MRC1: variants seen among roughly 807,000 people sequenced by gnomAD.
The protein encoded by MRC1 is macrophage mannose receptor 1.
A neutral mutation model predicts 102.9 loss-of-function variants in MRC1; 62 were observed. The observed-to-expected ratio is 0.60, with a 90% CI of 0.49 to 0.74. MRC1 has a LOEUF of 0.74. Among genes scored for constraint, MRC1 ranks in the 30% least tolerant of loss-of-function variants. The pLI, the probability that MRC1 is intolerant of heterozygous loss-of-function variation, is 0.00. For missense variants in MRC1, 1,237 were observed against 862.8 expected, an observed-to-expected ratio of 1.43 and a Z score of -5.43; for synonymous variants, 457 against 298.4, an observed-to-expected ratio of 1.53 and a Z score of -5.48.
rs1833664784 is a variant in MRC1, at chr10:17,891,027, G to A, written c.3148-3183G>A. ...TCCTTATGAGAATTTAATGTCTGATGATCTGTCCCTGTCTCCCATTACCCC... is the reference window on the plus strand; with the variant it reads ...TCCTTATGAGAATTTAATGTCTGATAATCTGTCCCTGTCTCCCATTACCCC... On this transcript the variant is annotated intron_variant, in intron 22 of 29. Coordinates refer to ENST00000569591, the MANE Select transcript of MRC1 (RefSeq NM_002438.4). 2.0e-5 allele frequency among the ~76,000 whole-genome samples: 3 copies of A among 151,774 alleles called. No homozygotes were observed. The South Asian group carries it at 6.3e-4, about 32-fold the overall frequency.
In MRC1 at chr10:17,849,700, C is replaced by T. The variant is rs145296111; in HGVS notation, c.1185C>T (p.Gly395=). 790 of 780,898 alleles carry T rather than the reference C, an allele frequency of 1.0e-3. 2 individuals are homozygous for T. Among genetic ancestry groups the T allele is most frequent in the Non-Finnish European group, 1.6e-3 (684 of 418,102 alleles). 48.4% of individuals were successfully genotyped at this position (780,898 alleles called of 1,614,324 possible). A position where few individuals can be genotyped will look rare whatever the true frequency, so the allele number is the denominator to read the frequency against. Residue 395 remains glycine, a synonymous_variant, in exon 7 of 30, where the codon GGC becomes GGT. Coordinates refer to ENST00000569591, the MANE Select transcript of MRC1 (RefSeq NM_002438.4). ...RDALTTCRKE[G]GDLTSIHTIE... is the part of the protein sequence containing the mutation. ...CTCTGACCACCTGCAGGAAGGAAGG[C>T]GGTGACCTCACAAGTATCCACACCA... is the stretch of plus-strand genomic sequence containing the variant.
At chr10:17,854,605 A>G (rs1326043507) in intron 8 of MRC1, 1 of 154,218 alleles carries the variant, frequency 6.5e-6, no homozygotes, top group Non-Finnish European at 1.4e-5. Context: ...TACTCTGGCT[A>G]AAGGCTTACG....
chr10:17,869,073 G>A (rs1374506208), intron 12 of MRC1, among the ~76,000 whole-genome samples: 2 of 152,106 alleles, frequency 1.3e-5, no homozygotes, highest in African/African-American at 4.8e-5. Flanking sequence ...AAGGGTATCA[G>A]GGGCTTCAGT....
intron 15 of MRC1, among the ~76,000 whole-genome samples, chr10:17,873,488 T>C (rs1425551605): frequency 6.9e-6 from 1 of 145,864 alleles, no homozygotes; most frequent in Non-Finnish European, 1.5e-5. Context: ...ATTCTAAAAC[T>C]CATGATCTTT....
At chr10:17,817,915 T>G (rs1838337395) in intron 1 of MRC1, among the ~76,000 whole-genome samples, 1 of 152,138 alleles carries the variant, frequency 6.6e-6, no homozygotes, top group African/African-American at 2.4e-5. Flanking sequence ...GTTGCAGAGA[T>G]GATGATAAAG....
intron 14 of MRC1, 83 bp from the exon 15 acceptor site, chr10:17,871,899 T>C (rs2130677622): frequency 2.7e-6 from 2 of 734,156 alleles, no homozygotes; most frequent in Admixed American, 2.0e-5. Context: ...TGCAAACATA[T>C]CTTTCGTTTT....
At chr10:17,904,966 G>A (rs1410044789) in intron 26 of MRC1, among the ~76,000 whole-genome samples, 6 of 152,198 alleles carry the variant, frequency 3.9e-5, no homozygotes, top group Non-Finnish European at 4.4e-5. Context: ...TGGTTACAAT[G>A]TTAGACAATT....
chr10:17,841,289 G>A (rs1437130497), intron 5 of MRC1, among the ~76,000 whole-genome samples: 1 of 152,166 alleles, frequency 6.6e-6, no homozygotes, highest in African/African-American at 2.4e-5. Context: ...ACTGTACCTT[G>A]AGTCATGAGG....
Position 17,849,562 on chromosome 10 carries a change from C to T in MRC1, c.1064-17C>T. 1.3e-6 allele frequency: 1 copy of T among 775,118 alleles called. No individual in the cohort carries two copies. The highest frequency in any genetic ancestry group is 2.4e-6 in the Non-Finnish European group (1 of 416,114). 48.0% of individuals were successfully genotyped at this position (775,118 alleles called of 1,614,324 possible). A position where few individuals can be genotyped will look rare whatever the true frequency, so the allele number is the denominator to read the frequency against. On this transcript the variant is annotated splice_polypyrimidine_tract_variant and intron_variant, in intron 6 of 29. Transcript: ENST00000569591. Reference sequence around the variant, plus strand: ...AATCTTTTAAAATTTTTTTCCGACCCCCCTTTTTGTTTCTAGAAAGTGATG... The same window carrying T: ...AATCTTTTAAAATTTTTTTCCGACCTCCCTTTTTGTTTCTAGAAAGTGATG...
chr10:17,903,392 CTTTTTT>C (rs35118275), intron 26 of MRC1, among the ~76,000 whole-genome samples: 7 of 88,860 alleles, frequency 7.9e-5, no homozygotes, highest in East Asian at 5.8e-4. Flanking sequence ...CTTTTTTTTT[CTTTTTT>C]TTTTTTTTTT....
chr10:17,894,394 C>CTTTTTTTTTTTTTTTTTTTTTTTT (rs34625338), intron 23 of MRC1, 82 bp downstream of exon 23: 4 of 406,298 alleles, frequency 9.8e-6, no homozygotes, highest in African/African-American at 3.5e-5. Flanking sequence ...TTCTTTCTTT[C>CTTTTTTTTTTTTTTTTTTTTTTTT]TTTTTTTTTT....
chr10:17,835,314 A>G (rs1838646358), intron 4 of MRC1, among the ~76,000 whole-genome samples: 1 of 152,188 alleles, frequency 6.6e-6, no homozygotes, highest in African/African-American at 2.4e-5. Context: ...AAATACATTA[A>G]TTTGTTATTA....
intron 26 of MRC1, among the ~76,000 whole-genome samples, chr10:17,904,867 G>C (rs1411269165): frequency 6.6e-6 from 1 of 152,180 alleles, no homozygotes; most frequent in Admixed American, 6.5e-5. Context: ...GCTTTTTAAA[G>C]TCTCCTATGA....
chr10:17,873,916 G>A (rs1833390272), intron 16 of MRC1, 91 bp downstream of exon 16: 2 of 825,512 alleles, frequency 2.4e-6, no homozygotes, highest in Non-Finnish European at 4.3e-6. Context: ...GCCCTAGGAA[G>A]GTAGAGAGCA....
At chr10:17,850,256 GTT>G (rs71507247) in intron 7 of MRC1, among the ~76,000 whole-genome samples, 1 of 131,508 alleles carries the variant, frequency 7.6e-6, no homozygotes, top group Non-Finnish European at 1.6e-5. Context: ...AAATATAGGA[GTT>G]TTTTTTTTTT....
chr10:17,845,495 T>G lies in MRC1; in HGVS notation c.1063+60T>G, dbSNP rs34341392. 1,780 of 778,952 alleles carry G rather than the reference T, an allele frequency of 2.3e-3. 23 individuals carry two copies. In the African/African-American group the frequency reaches 0.026, roughly 11 times the overall value. 48.3% of individuals were successfully genotyped at this position (778,952 alleles called of 1,614,324 possible). A position where few individuals can be genotyped will look rare whatever the true frequency, so the allele number is the denominator to read the frequency against. On this transcript the variant is annotated intron_variant, in intron 6 of 29. Transcript: ENST00000569591. ...ATTAGAATTGAAAGATAAGTAACAT[T>G]ACAGCTTAGGTGTAACTGTTGGAAT...
At chr10:17,854,347 T>C (rs1333678532) in intron 8 of MRC1, among the ~76,000 whole-genome samples, 1 of 152,248 alleles carries the variant, frequency 6.6e-6, no homozygotes, top group Admixed American at 6.5e-5. Context: ...TTTATTTTTG[T>C]CACTGTGGCT....
chr10:17,863,413 T>C (rs1564619394), intron 10 of MRC1, 121 bp from the exon 11 acceptor site: 2 of 719,498 alleles, frequency 2.8e-6, no homozygotes, highest in Non-Finnish European at 5.1e-6. Context: ...CACAATATAT[T>C]TGAATTACCA....
intron 7 of MRC1, 81 bp downstream of exon 7, chr10:17,849,845 A>T (rs1170706964): frequency 3.0e-6 from 2 of 661,026 alleles, no homozygotes; most frequent in African/African-American, 3.6e-5. Context: ...AAATTCTATC[A>T]TAAACATCAA....
Sources: gnomAD v4.1 joint callset for allele counts (sites outside exome capture counted in the v4.1 genomes callset) on GRCh38, gnomAD v4.1.1 for gene constraint, MANE v1.5 for transcripts, NCBI Gene and HGNC (gene_info 2026-07-23, HGNC 2026-07-21) for gene names.